Variants in CASR observed in about 807,000 individuals in gnomAD.
The protein encoded by CASR is calcium sensing receptor.
Under a neutral mutation model 69.1 loss-of-function variants are expected in CASR, and 23 were observed. That is an observed-to-expected ratio of 0.33 (90% CI 0.24 to 0.47). The LOEUF (loss-of-function observed/expected upper bound fraction) is 0.47, where lower values mean the gene tolerates loss of function less well. Among genes scored for constraint, CASR ranks in the 20% least tolerant of loss-of-function variants. CASR has a pLI of 1.00. For missense variants in CASR, 924 were observed against 1,356.1 expected (o/e 0.68, Z 5.00); for synonymous variants, 541 against 544.7 (o/e 0.99, Z 0.10).
chr3:122,244,271 A>T lies in CASR; in HGVS notation c.-242-9677A>T, dbSNP rs535035517. ...TAACTATTACAAATTACATGCCTTT[A>T]TCAAAATATCTCAGGTACCCCAGAA... On this transcript the variant is annotated intron_variant, in intron 1 of 6. Transcript: ENST00000639785. Among the ~76,000 whole-genome samples the T allele has an allele frequency of 9.1e-4, 138 of 152,242 alleles. 1 individual carries two copies. The highest frequency in any genetic ancestry group is 3.2e-3 in the African/African-American group (131 of 41,558).
intron 1 of CASR, among the ~76,000 whole-genome samples, chr3:122,201,142 C>T (rs2073946397): frequency 6.6e-6 from 1 of 152,058 alleles, no homozygotes; most frequent in Non-Finnish European, 1.5e-5. Context: ...GCAGAGGACC[C>T]TGCGGCCTTC....
chr3:122,212,862 A>G (rs11914420), intron 1 of CASR, among the ~76,000 whole-genome samples: 110,106 of 151,908 alleles, frequency 0.72, 40,139 homozygotes, highest in Admixed American at 0.82. Context: ...GGCTGGTCTC[A>G]AACTCCTGAC....
rs193922434 is a variant in CASR, at chr3:122,284,208, C to G, written c.2254C>G (p.Arg752Gly). 2 of 1,614,040 alleles carry G rather than the reference C, an allele frequency of 1.2e-6. No individual in the cohort carries two copies. The highest frequency in any genetic ancestry group is 1.6e-4 in the Middle Eastern group (1 of 6,062). ...CTACACCGCGCCCCCGTCAAGCTAC[C>G]GCAACCAGGAGCTGGAGGATGAGAT... The part of the protein sequence containing the change: ...WLYTAPPSSY[R>G]NQELEDEIIF... The change falls in exon 7 of 7, where the codon CGC becomes GGC. Residue 752 changes from arginine to glycine, a missense_variant. Arg to Gly is a moderately radical substitution (Grantham distance 125). Transcript: ENST00000639785.
chr3:122,191,658 G>A (rs1311446307), intron 1 of CASR, among the ~76,000 whole-genome samples: 1 of 152,108 alleles, frequency 6.6e-6, no homozygotes, highest in African/African-American at 2.4e-5. Flanking sequence ...AAATTAAAAT[G>A]AAAATAAACT....
chr3:122,214,216 C>T (rs74729891), intron 1 of CASR, among the ~76,000 whole-genome samples: 2 of 151,758 alleles, frequency 1.3e-5, no homozygotes, highest in African/African-American at 2.4e-5. Flanking sequence ...TTTAATGGAG[C>T]GTATCCATTT....
At chr3:122,232,892 T>C (rs2074293075) in intron 1 of CASR, among the ~76,000 whole-genome samples, 1 of 152,008 alleles carries the variant, frequency 6.6e-6, no homozygotes, top group African/African-American at 2.4e-5. Flanking sequence ...CATAAACAAC[T>C]TCACAGAACA....
At chr3:122,227,731 T>G (rs2074238839) in intron 1 of CASR, among the ~76,000 whole-genome samples, 1 of 151,920 alleles carries the variant, frequency 6.6e-6, no homozygotes, top group South Asian at 2.1e-4. Flanking sequence ...CAGCACGCTG[T>G]CACCTCTCAG....
rs183595435 is a variant in CASR at position 122,242,936 on chromosome 3, T to C, written c.-242-11012T>C. Among the ~76,000 whole-genome samples, 38 of 152,300 alleles carry C rather than the reference T, an allele frequency of 2.5e-4. No individual in the cohort carries two copies. In the East Asian group the frequency reaches 6.9e-3, roughly 28 times the overall value. ...CATGCATTGGAGAAAAGACTGTCTC[T>C]TCAATAAATGGTGCTGAGAAAATTG... is the stretch of plus-strand genomic sequence containing the variant. On this transcript the variant is annotated intron_variant, in intron 1 of 6. Coordinates refer to ENST00000639785, the MANE Select transcript of CASR (RefSeq NM_000388.4).
chr3:122,267,777 A>G (rs1433706260), intron 4 of CASR, among the ~76,000 whole-genome samples: 4 of 152,170 alleles, frequency 2.6e-5, no homozygotes, highest in Non-Finnish European at 4.4e-5. Context: ...ACCTCAAAAA[A>G]GTTGATAAAA....
At chr3:122,221,290 C>T (rs35855416) in intron 1 of CASR, among the ~76,000 whole-genome samples, 2 of 152,078 alleles carry the variant, frequency 1.3e-5, no homozygotes, top group African/African-American at 4.8e-5. Flanking sequence ...CCCCTCACCC[C>T]CTTCCTTGGA....
chr3:122,222,547 T>C (rs2074182136), intron 1 of CASR, among the ~76,000 whole-genome samples: 1 of 152,112 alleles, frequency 6.6e-6, no homozygotes, highest in African/African-American at 2.4e-5. Flanking sequence ...GAAGTCTTAA[T>C]GGAGCACCCA....
chr3:122,203,930 C>T lies in CASR; in HGVS notation c.-243+20118C>T, dbSNP rs915456565. On this transcript the variant is annotated intron_variant, in intron 1 of 6. Transcript: ENST00000639785. Reference sequence around the variant, plus strand: ...AATTTTTCTCCATAAAGTTCTTATACATCTTTAGTTTATTTTCCGTTTTTT... The same window carrying T: ...AATTTTTCTCCATAAAGTTCTTATATATCTTTAGTTTATTTTCCGTTTTTT... 2.6e-5 allele frequency among the ~76,000 whole-genome samples: 4 copies of T among 151,938 alleles called. No individual in the cohort carries two copies. The East Asian group carries it at 7.7e-4, about 29-fold the overall frequency.
intron 4 of CASR, among the ~76,000 whole-genome samples, chr3:122,272,708 T>C (rs1438432591): frequency 6.6e-6 from 1 of 152,276 alleles, no homozygotes; most frequent in Non-Finnish European, 1.5e-5. Context: ...GATGACCATA[T>C]CTTGTAGTTC....
chr3:122,286,086 A>G lies in CASR; in HGVS notation c.*895A>G, dbSNP rs1403116909. 2.0e-5 allele frequency: 3 copies of G among 152,626 alleles called. No individual in the cohort carries two copies. The highest frequency in any genetic ancestry group is 4.8e-5 in the African/African-American group (2 of 41,408). 9.5% of individuals were successfully genotyped at this position (152,626 alleles called of 1,614,324 possible). On this transcript the variant is annotated 3_prime_UTR_variant, in exon 7 of 7. Transcript: ENST00000639785. ...AGAAGTCCCTCCCATCTCTACCCCA[A>G]AGAATTCCTGAAGCCAGATCCACCC...
At position 122,279,974 on chromosome 3, in the gene CASR, C is replaced by G. The variant is rs902378346; in HGVS notation, c.1609-2139C>G. ...CACCCCACTACCCTTTCCCAACAGG[C>G]CCCAGTGTTGTTCTCCACCCTGTGT... On this transcript the variant is annotated intron_variant, in intron 5 of 6. Transcript: ENST00000639785. Among the ~76,000 whole-genome samples, 10 of 152,284 alleles carry G rather than the reference C, an allele frequency of 6.6e-5. No individual in the cohort carries two copies. The East Asian group carries it at 1.9e-3, about 29-fold the overall frequency.
At chr3:122,189,151 C>T (rs537649885) in intron 1 of CASR, among the ~76,000 whole-genome samples, 1 of 152,296 alleles carries the variant, frequency 6.6e-6, no homozygotes, top group African/African-American at 2.4e-5. Flanking sequence ...ACAAGATCAG[C>T]CTCTGCCGTG....
chr3:122,260,722 A>G (rs761267863), intron 3 of CASR, among the ~76,000 whole-genome samples: 3 of 151,986 alleles, frequency 2.0e-5, no homozygotes, highest in Non-Finnish European at 4.4e-5. Context: ...TGGCCATAAA[A>G]TCAATCCAAC....
At chr3:122,222,836 A>AT (rs1306790008) in intron 1 of CASR, among the ~76,000 whole-genome samples, 2 of 72,232 alleles carry the variant, frequency 2.8e-5, no homozygotes, top group Non-Finnish European at 6.7e-5. Context: ...GTCTCAACAA[A>AT]TTAAAAAAAA....
intron 1 of CASR, among the ~76,000 whole-genome samples, chr3:122,236,361 A>G (rs750531503): frequency 2.6e-5 from 4 of 152,250 alleles, no homozygotes; most frequent in African/African-American, 7.2e-5. Context: ...ATGCTGGTTC[A>G]TGATTCTTCC....
Sources: gnomAD v4.1 joint callset for allele counts (sites outside exome capture counted in the v4.1 genomes callset) on GRCh38, gnomAD v4.1.1 for gene constraint, MANE v1.5 for transcripts, NCBI Gene and HGNC (gene_info 2026-07-23, HGNC 2026-07-21) for gene names.